Variants in SORBS2 observed in about 807,000 individuals in gnomAD.
SORBS2 encodes the protein sorbin and SH3 domain containing 2.
SORBS2 carries 46 observed loss-of-function variants against 97.7 expected under a neutral mutation model. The ratio of observed to expected loss-of-function variants is 0.47; its 90% CI spans 0.37 to 0.60. The LOEUF is 0.60. Ranked by LOEUF, SORBS2 falls within the 20% of genes least tolerant of loss-of-function variation. The pLI, the probability that SORBS2 is intolerant of heterozygous loss-of-function variation, is 0.00. For synonymous variants in SORBS2, 476 were observed against 473.4 expected (o/e 1.01, Z -0.07); for missense variants, 1,316 against 1,282.3 (o/e 1.03, Z -0.40).
At chr4:185,800,407 G>A (rs1009920783) in intron 1 of SORBS2, among the ~76,000 whole-genome samples, 11 of 152,268 alleles carry the variant, frequency 7.2e-5, no homozygotes, top group Admixed American at 2.0e-4. Flanking sequence ...GTTCCTGGGC[G>A]TCCGCTGGGA....
chr4:185,827,489 T>C (rs551672676), intron 1 of SORBS2, among the ~76,000 whole-genome samples: 4 of 4 alleles, frequency 1, 2 homozygotes, highest in African/African-American at 1. Flanking sequence ...ATCATCATCA[T>C]CATCATCATC....
chr4:185,608,909 AGTGT>A (rs986441132), intron 12 of SORBS2, among the ~76,000 whole-genome samples: 18 of 152,052 alleles, frequency 1.2e-4, no homozygotes, highest in African/African-American at 4.1e-4. Flanking sequence ...CTGGGGACTT[AGTGT>A]GTGTGAGTGG....
chr4:185,596,909 A>G (rs2096114656), intron 12 of SORBS2, among the ~76,000 whole-genome samples: 1 of 151,854 alleles, frequency 6.6e-6, no homozygotes, highest in African/African-American at 2.4e-5. Context: ...CCCTCTTTTT[A>G]CACACAAATC....
Position 185,923,361 on chromosome 4 carries a change from G to T in SORBS2, c.-338+32835C>A, listed in dbSNP as rs149363864. Among the ~76,000 whole-genome samples the T allele has an allele frequency of 2.8e-3, 419 of 152,112 alleles. 2 individuals carry two copies. The highest frequency in any genetic ancestry group is 9.6e-3 in the African/African-American group (397 of 41,506). On this transcript the variant is annotated intron_variant, in intron 1 of 20. Transcript: ENST00000284776. ...TTTGTCACCCAGGCTGGAGTGCAGTGGTGCCATCATTACTCACTGCTCCTG... is the reference window on the plus strand; with the variant it reads ...TTTGTCACCCAGGCTGGAGTGCAGTTGTGCCATCATTACTCACTGCTCCTG...
At chr4:185,671,284 C>G (rs1263720730) in intron 4 of SORBS2, among the ~76,000 whole-genome samples, 2 of 152,170 alleles carry the variant, frequency 1.3e-5, no homozygotes, top group Non-Finnish European at 2.9e-5. Context: ...CTACTGTACT[C>G]TGTGGTATTC....
At chr4:185,634,893 G>A (rs911537730) in intron 4 of SORBS2, among the ~76,000 whole-genome samples, 3 of 152,048 alleles carry the variant, frequency 2.0e-5, no homozygotes, top group African/African-American at 4.8e-5. Flanking sequence ...AATACAATCC[G>A]TAAGTTGTAT....
chr4:185,749,941 T>C (rs2098789370), intron 2 of SORBS2, among the ~76,000 whole-genome samples: 1 of 152,214 alleles, frequency 6.6e-6, no homozygotes, highest in Admixed American at 6.5e-5. Context: ...TCATTTTCCA[T>C]CTATAAACAC....
intron 2 of SORBS2, among the ~76,000 whole-genome samples, chr4:185,749,532 C>T (rs751332723): frequency 1.3e-5 from 2 of 152,178 alleles, no homozygotes; most frequent in Non-Finnish European, 2.9e-5. Context: ...ACCTCTGATT[C>T]CTGGTCATTC....
intron 2 of SORBS2, among the ~76,000 whole-genome samples, chr4:185,707,561 G>A (rs2098363087): frequency 6.6e-6 from 1 of 151,802 alleles, no homozygotes; most frequent in Non-Finnish European, 1.5e-5. Context: ...TATTTCAATA[G>A]GACAGCTGCT....
Position 185,646,589 on chromosome 4 carries a change from T to C in SORBS2, c.396+79A>G, listed in dbSNP as rs2097212238. ...TTACCTTTGTGACAAAAATTGCTAATGGGTCTGAAATTCAGGTTTATTGGG... is the reference window on the plus strand; with the variant it reads ...TTACCTTTGTGACAAAAATTGCTAACGGGTCTGAAATTCAGGTTTATTGGG... On this transcript the variant is annotated intron_variant, in intron 4 of 14. Transcript: ENST00000418609. The C allele has an allele frequency of 7.7e-6, 6 of 782,640 alleles. No individual in the cohort carries two copies. The Admixed American group carries it at 8.7e-5, about 11-fold the overall frequency. The allele number at this position is 782,640 out of a possible 1,614,324, so 48.5% of individuals were successfully genotyped here.
chr4:185,840,655 C>T (rs10034628), intron 1 of SORBS2, among the ~76,000 whole-genome samples: 5 of 152,258 alleles, frequency 3.3e-5, no homozygotes, highest in Admixed American at 2.0e-4. Context: ...AAATACAATT[C>T]GATTTCTTTC....
intron 1 of SORBS2, among the ~76,000 whole-genome samples, chr4:185,857,466 T>C (rs529022025): frequency 2.6e-5 from 4 of 152,320 alleles, no homozygotes; most frequent in African/African-American, 9.6e-5. Context: ...TTGAACAATA[T>C]GAAATCTGAT....
intron 4 of SORBS2, chr4:185,665,893 T>G: frequency 8.5e-7 from 1 of 1,181,480 alleles, no homozygotes; most frequent in Non-Finnish European, 1.1e-6. Context: ...GCGGGAGGAG[T>G]GCTCGGCCAG....
intron 1 of SORBS2, among the ~76,000 whole-genome samples, chr4:185,833,443 T>G (rs1357792673): frequency 3.3e-5 from 5 of 152,214 alleles, no homozygotes. Context: ...CTTTTAAGTT[T>G]GCCTAATTAA....
intron 4 of SORBS2, among the ~76,000 whole-genome samples, chr4:185,669,882 T>C (rs2153484903): frequency 6.6e-6 from 1 of 152,324 alleles, no homozygotes; most frequent in Admixed American, 6.5e-5. Flanking sequence ...TCCAATTAAC[T>C]GATGGCCATC....
At chr4:185,646,847 C>T (rs988793602) in intron 3 of SORBS2, 65 bp from the exon 13 acceptor site, 33 of 929,196 alleles carry the variant, frequency 3.6e-5, no homozygotes, top group Non-Finnish European at 5.5e-5. Context: ...TGTGTAAAAC[C>T]AGTTATCTGT....
intron 1 of SORBS2, among the ~76,000 whole-genome samples, chr4:185,879,147 A>G (rs1247206839): frequency 1.5e-5 from 2 of 130,004 alleles, no homozygotes; most frequent in African/African-American, 3.2e-5. Flanking sequence ...CATTAGGTAT[A>G]TCTCCTAATG....
intron 1 of SORBS2, among the ~76,000 whole-genome samples, chr4:185,829,616 G>A (rs1260120245): frequency 6.6e-6 from 1 of 152,136 alleles, no homozygotes; most frequent in Admixed American, 6.6e-5. Flanking sequence ...AGGAATAAAT[G>A]AGGCAGAGTG....
intron 1 of SORBS2, among the ~76,000 whole-genome samples, chr4:185,900,831 A>G (rs1238461881): frequency 6.6e-6 from 1 of 152,130 alleles, no homozygotes; most frequent in East Asian, 1.9e-4. Flanking sequence ...TTTCAGACCA[A>G]GAATCTGATT....
Sources: gnomAD v4.1 joint callset for allele counts (sites outside exome capture counted in the v4.1 genomes callset) on GRCh38, gnomAD v4.1.1 for gene constraint, MANE v1.5 for transcripts, NCBI Gene and HGNC (gene_info 2026-07-23, HGNC 2026-07-21) for gene names.